The following MCTP1 variants were observed in gnomAD, a reference collection of about 807,000 sequenced individuals.
The protein encoded by MCTP1 is multiple C2 and transmembrane domain-containing protein 1.
MCTP1 carries 69 observed loss-of-function variants against 120.6 expected under a neutral mutation model. The ratio of observed to expected loss-of-function variants is 0.57; its 90% CI spans 0.47 to 0.70. MCTP1 has a LOEUF of 0.70. MCTP1 is among the 30% of genes least tolerant of loss of function. MCTP1 has a pLI of 0.00. For missense variants in MCTP1, 1,203 were observed against 1,248.8 expected (o/e 0.96, Z 0.55); for synonymous variants, 529 against 493.1 (o/e 1.07, Z -0.96).
At chr5:94,988,795 A>G (rs1390664088) in intron 2 of MCTP1, among the ~76,000 whole-genome samples, 1 of 152,148 alleles carries the variant, frequency 6.6e-6, no homozygotes, top group Non-Finnish European at 1.5e-5. Flanking sequence ...ACAGTTCCAC[A>G]TGGCTGGGGA....
At chr5:95,131,897 G>T (rs1031728845) in intron 1 of MCTP1, among the ~76,000 whole-genome samples, 2 of 152,106 alleles carry the variant, frequency 1.3e-5, no homozygotes, top group African/African-American at 4.8e-5. Context: ...CCTTGAAATT[G>T]TCACCTTGGG....
At chr5:95,276,298 G>T (rs535017176) in intron 1 of MCTP1, among the ~76,000 whole-genome samples, 3 of 110,242 alleles carry the variant, frequency 2.7e-5, no homozygotes, top group African/African-American at 1.0e-4. Context: ...CACTCTTGTC[G>T]CCCAGGCTGG....
chr5:95,223,583 A>G (rs1753926002), intron 1 of MCTP1, among the ~76,000 whole-genome samples: 1 of 152,220 alleles, frequency 6.6e-6, no homozygotes, highest in African/African-American at 2.4e-5. Flanking sequence ...GTTAACCAGG[A>G]ACATTAATTA....
At chr5:94,998,355 C>A (rs1441663085) in intron 2 of MCTP1, among the ~76,000 whole-genome samples, 1 of 152,116 alleles carries the variant, frequency 6.6e-6, no homozygotes, top group Non-Finnish European at 1.5e-5. Flanking sequence ...ATCGAGTAGC[C>A]ACAGCAGAGA....
At chr5:95,010,563 A>G (rs1325672025) in intron 2 of MCTP1, among the ~76,000 whole-genome samples, 1 of 152,152 alleles carries the variant, frequency 6.6e-6, no homozygotes, top group African/African-American at 2.4e-5. Context: ...TGTTTTATCT[A>G]TTTAAATATC....
intron 1 of MCTP1, among the ~76,000 whole-genome samples, chr5:95,161,755 C>T (rs1314356974): frequency 1.3e-5 from 2 of 151,946 alleles, no homozygotes; most frequent in Non-Finnish European, 2.9e-5. Flanking sequence ...AAATGAGGCA[C>T]AGAAAGGGTG....
At chr5:95,204,642 A>C (rs1751426279) in intron 1 of MCTP1, among the ~76,000 whole-genome samples, 1 of 152,194 alleles carries the variant, frequency 6.6e-6, no homozygotes, top group Admixed American at 6.5e-5. Flanking sequence ...AATCCACTAC[A>C]AAACTACTAA....
chr5:94,972,983 G>GT (rs964582598), intron 2 of MCTP1, among the ~76,000 whole-genome samples: 9 of 152,130 alleles, frequency 5.9e-5, no homozygotes, highest in African/African-American at 2.2e-4. Context: ...ACTTTCTTGA[G>GT]TATCTACTGT....
intron 1 of MCTP1, among the ~76,000 whole-genome samples, chr5:95,048,054 CT>C (rs1399300054): frequency 6.6e-6 from 1 of 152,194 alleles, no homozygotes; most frequent in East Asian, 1.9e-4. Context: ...GCTAGATATA[CT>C]TGTGTTTGAA....
chr5:95,004,878 G>A (rs1230220039), intron 2 of MCTP1, among the ~76,000 whole-genome samples: 1 of 152,198 alleles, frequency 6.6e-6, no homozygotes, highest in Non-Finnish European at 1.5e-5. Context: ...AGTCCCCATT[G>A]GGGCACTGCC....
chr5:94,952,195 C>CAAAAAAAAAAAAAAAA (rs1554149863), intron 3 of MCTP1, among the ~76,000 whole-genome samples: 1 of 72,998 alleles, frequency 1.4e-5, no homozygotes, highest in Non-Finnish European at 2.9e-5. Flanking sequence ...AAAAAAAAAG[C>CAAAAAAAAAAAAAAAA]TATTGAATTG....
chr5:94,944,651 T>C (rs1818504292), intron 3 of MCTP1, among the ~76,000 whole-genome samples: 1 of 152,174 alleles, frequency 6.6e-6, no homozygotes, highest in Admixed American at 6.5e-5. Flanking sequence ...CTCTTTTCAC[T>C]CTCCTAGTGA....
chr5:94,969,908 G>A (rs983195999), intron 2 of MCTP1, among the ~76,000 whole-genome samples: 2 of 151,968 alleles, frequency 1.3e-5, no homozygotes, highest in African/African-American at 2.4e-5. Flanking sequence ...CTGGAGACTT[G>A]TTATGCCCTA....
chr5:95,270,486 A>G (rs1211137903), intron 1 of MCTP1, among the ~76,000 whole-genome samples: 2 of 152,244 alleles, frequency 1.3e-5, no homozygotes, highest in Non-Finnish European at 2.9e-5. Flanking sequence ...ATGAAGTGTC[A>G]TTTTAAAATG....
At chr5:94,953,920 TATA>T (rs1461254017) in intron 2 of MCTP1, among the ~76,000 whole-genome samples, 3 of 50,406 alleles carry the variant, frequency 6.0e-5, no homozygotes, top group Admixed American at 3.0e-4. Flanking sequence ...TATATACAAA[TATA>T]ATATATGCAT....
At chr5:95,018,437 A>C (rs567451671) in intron 1 of MCTP1, among the ~76,000 whole-genome samples, 1 of 152,252 alleles carries the variant, frequency 6.6e-6, no homozygotes, top group African/African-American at 2.4e-5. Flanking sequence ...TGAAACAATA[A>C]AGCAGCATTT....
intron 10 of MCTP1, among the ~76,000 whole-genome samples, chr5:94,898,329 A>G (rs1804634270): frequency 6.6e-6 from 1 of 152,222 alleles, no homozygotes; most frequent in Non-Finnish European, 1.5e-5. Context: ...TGCCATTTTA[A>G]ATGAAGTGTC....
At chr5:95,145,605 G>C (rs1290296243) in intron 1 of MCTP1, among the ~76,000 whole-genome samples, 1 of 151,934 alleles carries the variant, frequency 6.6e-6, no homozygotes, top group Non-Finnish European at 1.5e-5. Flanking sequence ...GAACATGAAG[G>C]GATATCAGAT....
chr5:95,157,558 C>T (rs1222204887), intron 1 of MCTP1, among the ~76,000 whole-genome samples: 1 of 152,078 alleles, frequency 6.6e-6, no homozygotes, highest in Non-Finnish European at 1.5e-5. Flanking sequence ...ATAAATAAGG[C>T]TAAAGACGAA....
Sources: gnomAD v4.1 joint callset for allele counts (sites outside exome capture counted in the v4.1 genomes callset) on GRCh38, gnomAD v4.1.1 for gene constraint, MANE v1.5 for transcripts, NCBI Gene and HGNC (gene_info 2026-07-23, HGNC 2026-07-21) for gene names.